The following LRRC4C variants were observed in gnomAD, a reference collection of about 807,000 sequenced individuals.
LRRC4C encodes leucine rich repeat containing 4C, also known as leucine-rich repeat-containing protein 4C.
A neutral mutation model predicts 33.6 loss-of-function variants in LRRC4C; 5 were observed. The ratio of observed to expected loss-of-function variants is 0.15; its 90% confidence interval spans 0.08 to 0.31. LRRC4C has a LOEUF of 0.31. Among genes scored for constraint, LRRC4C ranks in the 10% least tolerant of loss-of-function variants. The pLI, the probability that LRRC4C is intolerant of heterozygous loss-of-function variation, is 1.00. For synonymous variants in LRRC4C, 329 were observed against 302.0 expected (o/e 1.09, Z -0.93); for missense variants, 560 against 796.7 (o/e 0.70, Z 3.58).
At chr11:41,148,244 T>C (rs987105252) in intron 1 of LRRC4C, among the ~76,000 whole-genome samples, 4 of 151,984 alleles carry the variant, frequency 2.6e-5, no homozygotes, top group Non-Finnish European at 5.9e-5. Context: ...CTCGATCTCC[T>C]GATCTTCTGA....
intron 2 of LRRC4C, among the ~76,000 whole-genome samples, chr11:40,701,106 T>C (rs1055631058): frequency 1.3e-5 from 2 of 152,178 alleles, no homozygotes; most frequent in African/African-American, 2.4e-5. Context: ...AGATTAAACT[T>C]GTCCCTGTGG....
chr11:40,990,269 A>ATATATT (rs1853438882), intron 1 of LRRC4C, among the ~76,000 whole-genome samples: 1 of 131,124 alleles, frequency 7.6e-6, no homozygotes, highest in Non-Finnish European at 1.7e-5. Context: ...ATATATATAT[A>ATATATT]TATATGAATA....
chr11:40,283,835 G>A (rs1157327024), intron 4 of LRRC4C, among the ~76,000 whole-genome samples: 1 of 150,200 alleles, frequency 6.7e-6, no homozygotes, highest in Non-Finnish European at 1.5e-5. Flanking sequence ...CTCCTGAGTT[G>A]CTGGGACTAT....
intron 2 of LRRC4C, among the ~76,000 whole-genome samples, chr11:40,790,096 A>G (rs961540485): frequency 3.3e-5 from 5 of 152,202 alleles, no homozygotes; most frequent in African/African-American, 1.2e-4. Context: ...CATAATAAAG[A>G]TAGAGGTAGT....
chr11:40,785,038 C>T (rs1440512655), intron 2 of LRRC4C, among the ~76,000 whole-genome samples: 1 of 152,118 alleles, frequency 6.6e-6, no homozygotes, highest in Non-Finnish European at 1.5e-5. Context: ...TAAAGCCCTG[C>T]TCATTAATTG....
intron 1 of LRRC4C, among the ~76,000 whole-genome samples, chr11:41,255,142 C>T (rs1360992153): frequency 1.3e-5 from 2 of 151,976 alleles, no homozygotes; most frequent in African/African-American, 2.4e-5. Flanking sequence ...GAATTTTCCC[C>T]TGCCAGTGTT....
rs79765654 is a variant in LRRC4C, at chr11:41,392,114, C to T, written c.-496+67317G>A. On this transcript the variant is annotated intron_variant, in intron 1 of 6. Transcript: ENST00000528697. ...CGTTTACGAGGGGAAAATACAAAGG[C>T]ATATGTAGGCACTATAACATGTTTG... 3.2e-3 allele frequency among the ~76,000 whole-genome samples: 493 copies of T among 151,968 alleles called. 2 individuals are homozygous for T. The highest frequency in any genetic ancestry group is 0.01 in the African/African-American group (419 of 41,500).
At chr11:40,924,065 C>CAT (rs1201825975) in intron 2 of LRRC4C, among the ~76,000 whole-genome samples, 3 of 148,462 alleles carry the variant, frequency 2.0e-5, no homozygotes, top group South Asian at 4.3e-4. Flanking sequence ...TATATATATA[C>CAT]ATATATATGT....
At chr11:40,810,204 T>A (rs1036050310) in intron 2 of LRRC4C, among the ~76,000 whole-genome samples, 1 of 152,198 alleles carries the variant, frequency 6.6e-6, no homozygotes, top group Admixed American at 6.5e-5. Flanking sequence ...ATATCTTCCA[T>A]TATCTAATTG....
chr11:41,193,355 C>T (rs1378204805), intron 1 of LRRC4C, among the ~76,000 whole-genome samples: 1 of 152,022 alleles, frequency 6.6e-6, no homozygotes, highest in East Asian at 1.9e-4. Context: ...TTGTAAAGAC[C>T]TTTAAAGCTC....
chr11:41,315,565 C>A (rs534283957), intron 1 of LRRC4C, among the ~76,000 whole-genome samples: 136 of 152,280 alleles, frequency 8.9e-4, no homozygotes, highest in Non-Finnish European at 1.6e-3. Context: ...GAAGTGAGTT[C>A]TCCAACCCCA....
intron 2 of LRRC4C, among the ~76,000 whole-genome samples, chr11:40,780,039 T>A (rs987935820): frequency 1.3e-5 from 2 of 152,176 alleles, no homozygotes; most frequent in East Asian, 1.9e-4. Context: ...GATTTCTTCA[T>A]CTTTAAAATA....
At chr11:40,335,584 T>C (rs896342310) in intron 3 of LRRC4C, among the ~76,000 whole-genome samples, 9 of 152,246 alleles carry the variant, frequency 5.9e-5, no homozygotes, top group Middle Eastern at 3.2e-3. Context: ...AATTTAGTTA[T>C]GACAATTGTT....
intron 3 of LRRC4C, among the ~76,000 whole-genome samples, chr11:40,381,734 T>C (rs1948874750): frequency 6.6e-6 from 1 of 151,864 alleles, no homozygotes; most frequent in Admixed American, 6.6e-5. Flanking sequence ...TACCACTATA[T>C]CATTGGCCAA....
chr11:40,748,114 C>A (rs535380456), intron 2 of LRRC4C, among the ~76,000 whole-genome samples: 12 of 152,182 alleles, frequency 7.9e-5, no homozygotes, highest in African/African-American at 2.9e-4. Flanking sequence ...TATAGTCAAA[C>A]TGTTTAAAGT....
chr11:41,446,394 T>C (rs865912381), intron 1 of LRRC4C, among the ~76,000 whole-genome samples: 4 of 152,204 alleles, frequency 2.6e-5, no homozygotes, highest in Admixed American at 6.5e-5. Context: ...GTTTTTCCTT[T>C]ACTCACTCAT....
intron 3 of LRRC4C, among the ~76,000 whole-genome samples, chr11:40,358,308 T>C (rs1194444988): frequency 6.6e-6 from 1 of 152,164 alleles, no homozygotes; most frequent in Non-Finnish European, 1.5e-5. Context: ...GGTCTCACTC[T>C]GTCACTCTGT....
intron 1 of LRRC4C, among the ~76,000 whole-genome samples, chr11:40,984,169 AGAAAG>A (rs1852748984): frequency 6.6e-6 from 1 of 151,052 alleles, no homozygotes; most frequent in South Asian, 2.1e-4. Context: ...AAGAAAGAAA[AGAAAG>A]GAAGGAAAGG....
At chr11:40,526,705 G>A (rs1956065367) in intron 3 of LRRC4C, among the ~76,000 whole-genome samples, 1 of 152,036 alleles carries the variant, frequency 6.6e-6, no homozygotes, top group Non-Finnish European at 1.5e-5. Context: ...CCTATTAGAT[G>A]GCATAGGTAT....
Sources: allele counts gnomAD v4.1 joint callset (sites outside exome capture counted in the v4.1 genomes callset), GRCh38; gene constraint gnomAD v4.1.1; transcripts MANE v1.5; gene names NCBI Gene and HGNC (gene_info 2026-07-23, HGNC 2026-07-21).